EPHA3: variants seen among roughly 807,000 people sequenced by gnomAD.
EPHA3 encodes ephrin type-A receptor 3.
A neutral mutation model predicts 107.1 loss-of-function variants in EPHA3; 42 were observed. The observed-to-expected ratio is 0.39, with a 90% CI of 0.31 to 0.51. The LOEUF (loss-of-function observed/expected upper bound fraction) is 0.51. EPHA3 is among the 20% of genes least tolerant of loss of function. EPHA3 has a pLI of 0.78. For missense variants in EPHA3, 1,183 were observed against 1,211.2 expected (o/e 0.98, Z 0.35); for synonymous variants, 461 against 424.8 (o/e 1.09, Z -1.05).
chr3:89,435,989 A>G (rs1320278172), intron 13 of EPHA3, among the ~76,000 whole-genome samples: 2 of 151,224 alleles, frequency 1.3e-5, no homozygotes, highest in Non-Finnish European at 2.9e-5. Context: ...AAAAATAAAA[A>G]CATATATTAG....
chr3:89,138,392 G>T (rs1349779429), intron 2 of EPHA3, among the ~76,000 whole-genome samples: 1 of 151,698 alleles, frequency 6.6e-6, no homozygotes, highest in East Asian at 1.9e-4. Context: ...CATTGCTCAT[G>T]ATAAAAGAGA....
intron 5 of EPHA3, among the ~76,000 whole-genome samples, chr3:89,368,768 T>C (rs1708232031): frequency 1.3e-5 from 2 of 149,704 alleles, no homozygotes; most frequent in Non-Finnish European, 3.0e-5. Flanking sequence ...AATCCATCTA[T>C]TAAAATGCCC....
intron 2 of EPHA3, among the ~76,000 whole-genome samples, chr3:89,197,555 G>T (rs1299812487): frequency 6.6e-6 from 1 of 152,018 alleles, no homozygotes. Context: ...GAAAAGAAGT[G>T]AAGTCAAGTG....
rs1559600920 is a variant in EPHA3 at position 89,208,470 on chromosome 3, GAAAGAAA to G, written c.154-1389_154-1383del. 6.9e-4 allele frequency among the ~76,000 whole-genome samples: 89 copies of G among 129,078 alleles called. 1 individual carries two copies. Among genetic ancestry groups the G allele is most frequent in the Non-Finnish European group, 9.1e-4 (56 of 61,456 alleles). 84.7% of individuals were successfully genotyped at this position (129,078 alleles called of 152,430 possible). Reference sequence around the variant, plus strand: ...AGAAAGAAAGAAAGAAAGAAAGAAAGAAAGAAAGAAAGAGAAAAAGAAAGGAGGGAGG... The same window carrying G: ...AGAAAGAAAGAAAGAAAGAAAGAAAGGAAAGAGAAAAAGAAAGGAGGGAGG... On this transcript the variant is annotated intron_variant, in intron 2 of 16. Coordinates refer to ENST00000336596, the MANE Select transcript of EPHA3 (RefSeq NM_005233.6).
In EPHA3 at chr3:89,210,117, G is replaced by C. The variant is rs373433238; in HGVS notation, c.411G>C (p.Glu137Asp). Residue 137 changes from glutamate (E) to aspartate (D), a missense_variant, in exon 3 of 17, where the codon GAG (glutamate) becomes GAC (aspartate). Coordinates refer to ENST00000336596, the MANE Select transcript of EPHA3 (RefSeq NM_005233.6). ...SDDDHGVKFR[E>D]HQFTKIDTIA... is the part of the protein sequence containing the mutation. Reference sequence around the variant, plus strand: ...ATGATCATGGGGTGAAATTTCGAGAGCATCAGTTTACAAAGATTGACACCA... The same window carrying C: ...ATGATCATGGGGTGAAATTTCGAGACCATCAGTTTACAAAGATTGACACCA... The C allele has an allele frequency of 1.2e-6, 2 of 1,614,010 alleles. No homozygotes were observed. Among genetic ancestry groups the C allele is most frequent in the Non-Finnish European group, 1.7e-6 (2 of 1,179,928 alleles).
intron 3 of EPHA3, among the ~76,000 whole-genome samples, chr3:89,262,175 C>T (rs903468297): frequency 3.9e-5 from 6 of 151,988 alleles, no homozygotes; most frequent in Admixed American, 1.3e-4. Context: ...TCACTGTCAT[C>T]AGTATTGATA....
intron 2 of EPHA3, among the ~76,000 whole-genome samples, chr3:89,197,430 TAA>T (rs71105120): frequency 4.8e-4 from 29 of 59,984 alleles, no homozygotes; most frequent in East Asian, 1.7e-3. Flanking sequence ...CATAAAAACA[TAA>T]AAAAAAAATA....
chr3:89,390,847 T>C (rs190256561), intron 5 of EPHA3, among the ~76,000 whole-genome samples: 1 of 146,928 alleles, frequency 6.8e-6, no homozygotes. Flanking sequence ...TGCAATGACA[T>C]GCAATCTCTG....
intron 1 of EPHA3, among the ~76,000 whole-genome samples, chr3:89,108,086 G>T (rs916080759): frequency 1.3e-5 from 2 of 152,052 alleles, no homozygotes; most frequent in African/African-American, 4.8e-5. Flanking sequence ...TACCTTGTTT[G>T]CCAATTTGAG....
At chr3:89,399,656 G>A (rs1308776775) in intron 7 of EPHA3, 176 bp downstream of exon 7, 4 of 1,268,272 alleles carry the variant, frequency 3.2e-6, no homozygotes, top group East Asian at 5.8e-5. Context: ...GTGTTTGTGT[G>A]GGTGTACATT....
chr3:89,401,656 G>T (rs1229452888), intron 7 of EPHA3, among the ~76,000 whole-genome samples: 1 of 152,124 alleles, frequency 6.6e-6, no homozygotes, highest in Non-Finnish European at 1.5e-5. Flanking sequence ...TGCCCAGGAT[G>T]GAGTGCAATG....
At chr3:89,197,428 CATAA>C (rs1559595742) in intron 2 of EPHA3, among the ~76,000 whole-genome samples, 7 of 149,778 alleles carry the variant, frequency 4.7e-5, no homozygotes, top group African/African-American at 1.5e-4. Flanking sequence ...AACATAAAAA[CATAA>C]AAAAAAAATA....
intron 13 of EPHA3, among the ~76,000 whole-genome samples, chr3:89,432,395 G>A (rs1709586661): frequency 6.6e-6 from 1 of 151,668 alleles, no homozygotes; most frequent in South Asian, 2.1e-4. Flanking sequence ...TTTGTTTTTT[G>A]TTTTTTAGGC....
intron 11 of EPHA3, among the ~76,000 whole-genome samples, chr3:89,421,136 T>G (rs532274448): frequency 6.6e-6 from 1 of 151,534 alleles, no homozygotes; most frequent in South Asian, 2.1e-4. Context: ...TTTAAAAATC[T>G]TCTCTAACAT....
At chr3:89,426,996 C>G (rs1709470049) in intron 11 of EPHA3, among the ~76,000 whole-genome samples, 1 of 151,702 alleles carries the variant, frequency 6.6e-6, no homozygotes, top group Non-Finnish European at 1.5e-5. Flanking sequence ...TGAATCTTCC[C>G]TTTCTTTTTG....
chr3:89,269,570 G>A (rs1576278749), intron 3 of EPHA3, among the ~76,000 whole-genome samples: 1 of 151,684 alleles, frequency 6.6e-6, no homozygotes, highest in South Asian at 2.1e-4. Context: ...ATAGGCATGA[G>A]CCACCCAGCC....
intron 3 of EPHA3, among the ~76,000 whole-genome samples, chr3:89,219,734 A>T (rs1704320571): frequency 4.7e-5 from 1 of 21,140 alleles, no homozygotes; most frequent in African/African-American, 1.0e-4. Context: ...TTTGAGACGG[A>T]GTCTCGCTCT....
At position 89,108,645 on chromosome 3, in the gene EPHA3, A is replaced by G. The variant is rs138555839; in HGVS notation, c.88+809A>G. Among the ~76,000 whole-genome samples, 544 of 152,318 alleles carry G rather than the reference A, an allele frequency of 3.6e-3. 1 individual carries two copies. Among genetic ancestry groups the G allele is most frequent in the Middle Eastern group, 0.027 (8 of 294 alleles). ...TGTTGTGTTATTTATTATCCTTGTA[A>G]TGAGCATTAATTCCTTTTCAGTGGG... is the stretch of plus-strand genomic sequence containing the variant. On this transcript the variant is annotated intron_variant, in intron 1 of 16. Coordinates refer to ENST00000336596, the MANE Select transcript of EPHA3 (RefSeq NM_005233.6).
chr3:89,150,013 T>A (rs1704654872), intron 2 of EPHA3, among the ~76,000 whole-genome samples: 1 of 151,996 alleles, frequency 6.6e-6, no homozygotes, highest in South Asian at 2.1e-4. Context: ...CACTAAAATC[T>A]ACCCTTAAGC....
Sources: gnomAD v4.1 joint callset for allele counts (sites outside exome capture counted in the v4.1 genomes callset) on GRCh38, gnomAD v4.1.1 for gene constraint, MANE v1.5 for transcripts, NCBI Gene and HGNC (gene_info 2026-07-23, HGNC 2026-07-21) for gene names.